SGCZ: variants seen among roughly 807,000 people sequenced by gnomAD.
SGCZ encodes the protein zeta-sarcoglycan.
A neutral mutation model predicts 41.3 loss-of-function variants in SGCZ; 40 were observed. That is an observed-to-expected ratio of 0.97 (90% CI 0.75 to 1.26). SGCZ has a LOEUF of 1.26. Among genes scored for constraint, SGCZ ranks in the 50% most tolerant of loss-of-function variants. SGCZ has a pLI of 0.00. For missense variants in SGCZ, 552 were observed against 369.8 expected (o/e 1.49, Z -4.04); for synonymous variants, 206 against 137.5 (o/e 1.50, Z -3.49).
At chr8:14,537,874 T>A (rs749686593) in intron 2 of SGCZ, among the ~76,000 whole-genome samples, 1 of 151,900 alleles carries the variant, frequency 6.6e-6, no homozygotes, top group African/African-American at 2.4e-5. Context: ...GGAAGGTGCA[T>A]GGAGAAATGA....
intron 1 of SGCZ, among the ~76,000 whole-genome samples, chr8:15,062,988 A>G (rs1804992939): frequency 6.6e-6 from 1 of 152,154 alleles, no homozygotes; most frequent in Non-Finnish European, 1.5e-5. Flanking sequence ...TGTGTTTAAA[A>G]TGGTACTCAC....
chr8:14,958,365 G>T lies in SGCZ; in HGVS notation c.39+279220C>A, dbSNP rs895597833. Among the ~76,000 whole-genome samples the T allele has an allele frequency of 3.9e-5, 6 of 152,114 alleles. No individual in the cohort carries two copies. In the East Asian group the frequency reaches 1.2e-3, roughly 29 times the overall value. On this transcript the variant is annotated intron_variant, in intron 1 of 7. Coordinates refer to ENST00000382080, the MANE Select transcript of SGCZ (RefSeq NM_139167.4). ...TGAAATGTTGGTCAATGGATAAAAG[G>T]TTGTGGTATGTTCATACAATGGAAT...
intron 1 of SGCZ, among the ~76,000 whole-genome samples, chr8:14,796,560 T>C (rs1801138274): frequency 6.6e-6 from 1 of 152,208 alleles, no homozygotes; most frequent in Non-Finnish European, 1.5e-5. Context: ...GTGTGTCTTA[T>C]GACTCAATGA....
chr8:14,645,866 C>G (rs888881127), intron 1 of SGCZ, among the ~76,000 whole-genome samples: 6 of 151,750 alleles, frequency 4.0e-5, no homozygotes, highest in Non-Finnish European at 8.8e-5. Context: ...TTGTTTTACT[C>G]AATTAAACTA....
At chr8:15,184,322 G>C (rs942753168) in intron 1 of SGCZ, among the ~76,000 whole-genome samples, 1 of 152,000 alleles carries the variant, frequency 6.6e-6, no homozygotes, top group East Asian at 1.9e-4. Context: ...TTGTAGTTAG[G>C]ACACGAACAT....
intron 1 of SGCZ, among the ~76,000 whole-genome samples, chr8:14,865,709 G>A (rs762995092): frequency 2.6e-5 from 4 of 151,998 alleles, no homozygotes; most frequent in African/African-American, 9.7e-5. Context: ...AGTTAAAAAC[G>A]GAAACAGGAT....
At chr8:14,567,101 C>A (rs1174736000) in intron 1 of SGCZ, among the ~76,000 whole-genome samples, 1 of 152,210 alleles carries the variant, frequency 6.6e-6, no homozygotes, top group Non-Finnish European at 1.5e-5. Flanking sequence ...GGACCTGCAG[C>A]CCGCCATGCC....
Position 14,589,228 on chromosome 8 carries a change from C to T in SGCZ, c.40-34302G>A, listed in dbSNP as rs575572952. ...GGGTGTGCTGGTGCATGCCTATAAT[C>T]CCCGCTATTTGGGAGGCTGAGGCAG... is the stretch of plus-strand genomic sequence containing the variant. On this transcript the variant is annotated intron_variant, in intron 1 of 7. Coordinates refer to ENST00000382080, the MANE Select transcript of SGCZ (RefSeq NM_139167.4). Among the ~76,000 whole-genome samples the T allele has an allele frequency of 2.4e-3, 357 of 151,816 alleles. 1 individual carries two copies. Among genetic ancestry groups the T allele is most frequent in the Non-Finnish European group, 3.9e-3 (266 of 67,946 alleles).
intron 1 of SGCZ, among the ~76,000 whole-genome samples, chr8:14,913,883 T>C (rs1344906380): frequency 1.3e-5 from 2 of 152,028 alleles, no homozygotes; most frequent in Non-Finnish European, 2.9e-5. Flanking sequence ...CTCTGGTCAT[T>C]AGAATGATAA....
At chr8:15,035,862 G>A (rs190318381) in intron 1 of SGCZ, among the ~76,000 whole-genome samples, 6 of 151,916 alleles carry the variant, frequency 3.9e-5, no homozygotes, top group Non-Finnish European at 8.8e-5. Flanking sequence ...CCAAAGAGAG[G>A]GATAGACTGT....
intron 3 of SGCZ, among the ~76,000 whole-genome samples, chr8:14,244,647 G>C (rs1053746153): frequency 9.2e-5 from 14 of 151,566 alleles, no homozygotes; most frequent in African/African-American, 3.4e-4. Context: ...TTGGTAGCTT[G>C]ATGGGGATGG....
At chr8:14,507,246 C>T (rs2117065618) in intron 2 of SGCZ, among the ~76,000 whole-genome samples, 1 of 150,922 alleles carries the variant, frequency 6.6e-6, no homozygotes, top group Non-Finnish European at 1.5e-5. Context: ...AGCACTGCTA[C>T]TGCCAACTTG....
intron 2 of SGCZ, among the ~76,000 whole-genome samples, chr8:14,347,794 G>A (rs1009671043): frequency 6.6e-6 from 1 of 152,030 alleles, no homozygotes; most frequent in Non-Finnish European, 1.5e-5. Context: ...TACACTGTCT[G>A]TGTACTTTTA....
At position 14,343,554 on chromosome 8, in the gene SGCZ, C is replaced by A. The variant is rs149726091; in HGVS notation, c.235-19350G>T. On this transcript the variant is annotated intron_variant, in intron 2 of 7. Transcript: ENST00000382080. ...GCTAAATTTAAATATATAAGAATTTCAAGAAAATGTTCAGAAATAGCATAG... is the reference window on the plus strand; with the variant it reads ...GCTAAATTTAAATATATAAGAATTTAAAGAAAATGTTCAGAAATAGCATAG... Among the ~76,000 whole-genome samples, 104 of 152,184 alleles carry A rather than the reference C, an allele frequency of 6.8e-4. 1 individual carries two copies. In the East Asian group the frequency reaches 0.019, roughly 27 times the overall value.
intron 1 of SGCZ, among the ~76,000 whole-genome samples, chr8:14,951,038 T>G (rs1012023632): frequency 6.6e-6 from 1 of 152,054 alleles, no homozygotes; most frequent in East Asian, 1.9e-4. Context: ...GCATCAACAG[T>G]GTGGAGAAAA....
chr8:14,604,647 C>A (rs538248761), intron 1 of SGCZ, among the ~76,000 whole-genome samples: 1 of 152,120 alleles, frequency 6.6e-6, no homozygotes, highest in African/African-American at 2.4e-5. Context: ...TAGAATGCCA[C>A]AGCTCATAGT....
intron 2 of SGCZ, among the ~76,000 whole-genome samples, chr8:14,436,053 A>T (rs1283609855): frequency 6.6e-6 from 1 of 152,210 alleles, no homozygotes; most frequent in African/African-American, 2.4e-5. Flanking sequence ...CCTGACCTAT[A>T]GCCATGATGA....
At chr8:14,603,865 A>T (rs569312222) in intron 1 of SGCZ, among the ~76,000 whole-genome samples, 1 of 152,160 alleles carries the variant, frequency 6.6e-6, no homozygotes, top group East Asian at 1.9e-4. Context: ...AGTTGACTAC[A>T]TTGCTAAGTA....
chr8:14,662,330 G>A (rs956969984), intron 1 of SGCZ, among the ~76,000 whole-genome samples: 1 of 152,184 alleles, frequency 6.6e-6, no homozygotes, highest in Non-Finnish European at 1.5e-5. Flanking sequence ...TTTCAAGAAA[G>A]TTAAATTACC....
Sources: gnomAD v4.1 joint callset for allele counts (sites outside exome capture counted in the v4.1 genomes callset) on GRCh38, gnomAD v4.1.1 for gene constraint, MANE v1.5 for transcripts, NCBI Gene and HGNC (gene_info 2026-07-23, HGNC 2026-07-21) for gene names.